FRMD4A: variants seen among roughly 807,000 people sequenced by gnomAD.
FRMD4A encodes FERM domain-containing protein 4A.
Under a neutral mutation model 129.1 loss-of-function variants are expected in FRMD4A, and 29 were observed. That is an observed-to-expected ratio of 0.22 (90% CI 0.17 to 0.31). FRMD4A has a LOEUF of 0.31. Ranked by LOEUF, FRMD4A falls within the 10% of genes least tolerant of loss-of-function variation. The probability of loss-of-function intolerance (pLI) is 1.00; values close to 1 mark genes in which losing one functional copy is unlikely to be tolerated. For missense variants in FRMD4A, 1,272 were observed against 1,375.8 expected (o/e 0.92, Z 1.19); for synonymous variants, 634 against 571.6 (o/e 1.11, Z -1.56).
chr10:13,710,297 G>C (rs184902591), intron 12 of FRMD4A: 1 of 152,414 alleles, frequency 6.6e-6, no homozygotes, highest in Non-Finnish European at 1.5e-5. Context: ...CCGAGGGGTT[G>C]TTTCCCTGGC....
intron 2 of FRMD4A, among the ~76,000 whole-genome samples, chr10:13,940,628 A>T (rs1466348604): frequency 6.6e-6 from 1 of 152,168 alleles, no homozygotes. Context: ...CTGCTTCTTC[A>T]CACAAGGTTA....
At chr10:13,797,223 A>G (rs1213135585) in intron 4 of FRMD4A, among the ~76,000 whole-genome samples, 1 of 152,210 alleles carries the variant, frequency 6.6e-6, no homozygotes, top group African/African-American at 2.4e-5. Context: ...CCGCCTTTCC[A>G]CCACACTCCC....
chr10:14,074,642 T>A (rs1346734547), intron 2 of FRMD4A: 1 of 152,218 alleles, frequency 6.6e-6, no homozygotes, highest in African/African-American at 2.4e-5. Flanking sequence ...CATGTTTGGC[T>A]GTAAAACTAG....
intron 2 of FRMD4A, among the ~76,000 whole-genome samples, chr10:13,871,897 G>T (rs2094442960): frequency 6.6e-6 from 1 of 152,238 alleles, no homozygotes; most frequent in Admixed American, 6.5e-5. Flanking sequence ...GGGGCTTACG[G>T]TGGGTCAGAG....
intron 12 of FRMD4A, among the ~76,000 whole-genome samples, chr10:13,717,010 G>C (rs1033019732): frequency 6.6e-6 from 1 of 152,140 alleles, no homozygotes; most frequent in Non-Finnish European, 1.5e-5. Context: ...GACTGGCTGG[G>C]GTCAGTGGGT....
At chr10:13,925,731 G>A (rs12262326) in intron 2 of FRMD4A, among the ~76,000 whole-genome samples, 17,291 of 150,822 alleles carry the variant, frequency 0.11, 1,111 homozygotes, top group African/African-American at 0.13. Flanking sequence ...CTACAGGCAC[G>A]CACCACCACG....
rs1037081923 is a variant in FRMD4A, at chr10:14,008,555, A to G, written c.46-149643T>C. ...CAGATGGTAATCAGGTCAGTTGTCTAATCAAAGCTCTATCAGACGTATTAT... is the reference window on the plus strand; with the variant it reads ...CAGATGGTAATCAGGTCAGTTGTCTGATCAAAGCTCTATCAGACGTATTAT... On this transcript the variant is annotated intron_variant, in intron 2 of 24. Transcript: ENST00000357447. The G allele has an allele frequency of 4.3e-5, 42 of 969,670 alleles. No homozygotes were observed. In the African/African-American group the frequency reaches 6.7e-4, roughly 15 times the overall value. The allele number at this position is 969,670 out of a possible 1,614,324, so 60.1% of individuals were successfully genotyped here.
intron 2 of FRMD4A, among the ~76,000 whole-genome samples, chr10:14,052,587 T>C (rs772078744): frequency 2.6e-4 from 39 of 152,110 alleles, no homozygotes; most frequent in South Asian, 4.2e-4. Flanking sequence ...AGACAGAGTC[T>C]CACTCTGGTC....
rs188172050 is a variant in FRMD4A at position 14,262,594 on chromosome 10, G to T, written c.45+67464C>A. 2.4e-3 allele frequency among the ~76,000 whole-genome samples: 371 copies of T among 152,262 alleles called. 2 individuals are homozygous for T. The highest frequency in any genetic ancestry group is 7.8e-3 in the African/African-American group (324 of 41,534). On this transcript the variant is annotated intron_variant, in intron 2 of 24. Coordinates refer to ENST00000357447, the MANE Select transcript of FRMD4A (RefSeq NM_018027.5). Reference sequence around the variant, plus strand: ...TAAACTGCGCTCACCTCATTCTCCTGACTCAGTCCCTTGCCAGAGCTCATG... The same window carrying T: ...TAAACTGCGCTCACCTCATTCTCCTTACTCAGTCCCTTGCCAGAGCTCATG...
At chr10:14,318,546 T>C (rs1167182381) in intron 2 of FRMD4A, among the ~76,000 whole-genome samples, 1 of 148,682 alleles carries the variant, frequency 6.7e-6, no homozygotes, top group South Asian at 2.1e-4. Context: ...AAGCACATGT[T>C]AGCCCCAGAT....
At chr10:14,289,709 C>T (rs7922795) in intron 2 of FRMD4A, among the ~76,000 whole-genome samples, 49,465 of 151,872 alleles carry the variant, frequency 0.33, 8,320 homozygotes, top group Middle Eastern at 0.37. Flanking sequence ...AGCAAGGATG[C>T]CTACTTTCAC....
intron 2 of FRMD4A, among the ~76,000 whole-genome samples, chr10:14,231,186 G>A (rs1843626656): frequency 6.6e-6 from 1 of 152,218 alleles, no homozygotes; most frequent in African/African-American, 2.4e-5. Context: ...TAAGTTCTTT[G>A]AGAAATCGCC....
intron 2 of FRMD4A, among the ~76,000 whole-genome samples, chr10:13,862,932 T>C (rs1342906910): frequency 9.2e-6 from 1 of 109,058 alleles, no homozygotes; most frequent in Non-Finnish European, 1.9e-5. Flanking sequence ...TGTTTTGTTC[T>C]GTTTTGTTTT....
intron 2 of FRMD4A, among the ~76,000 whole-genome samples, chr10:13,904,099 C>G (rs1187901872): frequency 6.6e-6 from 1 of 152,152 alleles, no homozygotes; most frequent in Non-Finnish European, 1.5e-5. Context: ...TGTTCATCAC[C>G]AGGCACTGGT....
chr10:14,038,957 C>G (rs1276875362), intron 2 of FRMD4A, among the ~76,000 whole-genome samples: 1 of 152,158 alleles, frequency 6.6e-6, no homozygotes, highest in Admixed American at 6.5e-5. Flanking sequence ...ATTTCTTGAG[C>G]ATTTTTGAAA....
chr10:14,049,262 A>C (rs962361158), intron 2 of FRMD4A, among the ~76,000 whole-genome samples: 1 of 152,228 alleles, frequency 6.6e-6, no homozygotes, highest in East Asian at 1.9e-4. Flanking sequence ...TTATAATTAC[A>C]TATGCACAGT....
intron 2 of FRMD4A, among the ~76,000 whole-genome samples, chr10:14,006,129 C>A (rs1482329661): frequency 6.6e-6 from 1 of 152,200 alleles, no homozygotes; most frequent in African/African-American, 2.4e-5. Flanking sequence ...ATTCCTCTGA[C>A]CCACAGTGTT....
Position 13,667,214 on chromosome 10 carries a change from G to C in FRMD4A, c.1375-889C>G, listed in dbSNP as rs1373718860. ...GGTGTGAGCCACCATGCCCGGCCAT[G>C]GGAGCTCATTTTGCAAGCTCTGGCT... On this transcript the variant is annotated intron_variant, in intron 17 of 24. Transcript: ENST00000357447. Among the ~76,000 whole-genome samples, 4 of 152,130 alleles carry C rather than the reference G, an allele frequency of 2.6e-5. No homozygotes were observed. In the East Asian group the frequency reaches 5.8e-4, roughly 22 times the overall value.
chr10:13,857,472 G>A (rs1444785137), intron 3 of FRMD4A, among the ~76,000 whole-genome samples: 1 of 152,146 alleles, frequency 6.6e-6, no homozygotes, highest in Non-Finnish European at 1.5e-5. Context: ...ACTTGAATTA[G>A]TGTCATGTGC....
Sources: gnomAD v4.1 joint callset for allele counts (sites outside exome capture counted in the v4.1 genomes callset) on GRCh38, gnomAD v4.1.1 for gene constraint, MANE v1.5 for transcripts, NCBI Gene and HGNC (gene_info 2026-07-23, HGNC 2026-07-21) for gene names.